Variants in CAMTA2 observed in about 807,000 individuals in gnomAD.
The protein encoded by CAMTA2 is calmodulin binding transcription activator 2, also known as calmodulin-binding transcription activator 2.
Under a neutral mutation model 135.7 loss-of-function variants are expected in CAMTA2, and 56 were observed. The ratio of observed to expected loss-of-function variants is 0.41; its 90% confidence interval spans 0.33 to 0.52. The LOEUF (loss-of-function observed/expected upper bound fraction) is 0.52. Among genes scored for constraint, CAMTA2 ranks in the 20% least tolerant of loss-of-function variants. CAMTA2 has a pLI of 0.16. For missense variants in CAMTA2, 1,358 were observed against 1,553.4 expected, an observed-to-expected ratio of 0.87 and a Z score of 2.11; for synonymous variants, 591 against 604.6, an observed-to-expected ratio of 0.98 and a Z score of 0.33.
In CAMTA2 at chr17:4,979,845, C is replaced by T. The variant is rs376564975; in HGVS notation, c.1477G>A (p.Val493Ile). The change falls in exon 9 of 23, where the codon GTT (valine) becomes ATT (isoleucine). Residue 493 changes from valine to isoleucine, a missense_variant. Physicochemically the swap from Val to Ile is conservative, Grantham distance 29. Coordinates refer to ENST00000348066, the MANE Select transcript of CAMTA2 (RefSeq NM_015099.4). ...GRGEALFGGP[V>I]GASELEPFSL... ...AAGGGCTCCAGTTCACTGGCCCCAA[C>T]AGGTCCTCCAAACAAGGCCTCTCCT... 3.7e-6 allele frequency: 6 copies of T among 1,613,542 alleles called. No individual in the cohort carries two copies. Among genetic ancestry groups the T allele is most frequent in the Non-Finnish European group, 5.1e-6 (6 of 1,179,962 alleles).
At chr17:4,973,863 A>C (rs1972454921) in intron 12 of CAMTA2, 94 bp from the exon 13 acceptor site, 12 of 1,164,350 alleles carry the variant, frequency 1.0e-5, no homozygotes, top group African/African-American at 1.6e-5. Context: ...CCCAGCTTCT[A>C]ATTTTGCCCC....
rs2151153489 is a variant in CAMTA2, at chr17:4,968,576, G to A, written c.*180C>T. 1 of 655,154 alleles carries A rather than the reference G, an allele frequency of 1.5e-6. No homozygotes were observed. Among genetic ancestry groups the A allele is most frequent in the South Asian group, 1.8e-5 (1 of 55,550 alleles). The allele number at this position is 655,154 out of a possible 1,614,324, so 40.6% of individuals were successfully genotyped here. A position where few individuals can be genotyped will look rare whatever the true frequency, so the allele number is the denominator to read the frequency against. On this transcript the variant is annotated 3_prime_UTR_variant, in exon 23 of 23. Coordinates refer to ENST00000348066, the MANE Select transcript of CAMTA2 (RefSeq NM_015099.4). ...GACCAAAAGAGACGGGGCACGACCA[G>A]GAGGGACGAGGAGAGGGGTGTGGGA...
rs758518608 is a variant in CAMTA2, at chr17:4,968,361, G to T, written c.*395C>A. On this transcript the variant is annotated 3_prime_UTR_variant, in exon 23 of 23. Transcript: ENST00000348066. ...CGGTCAGCCCTGAAACACGAGGGGC[G>T]TGCGCAGCGAAGGCAGTGGTGGGAA... The T allele has an allele frequency of 6.1e-6, 2 of 326,204 alleles. No individual in the cohort carries two copies. The highest frequency in any genetic ancestry group is 1.2e-5 in the Non-Finnish European group (2 of 171,680). 20.2% of individuals were successfully genotyped at this position (326,204 alleles called of 1,614,324 possible). A position where few individuals can be genotyped will look rare whatever the true frequency, so the allele number is the denominator to read the frequency against.
At chr17:4,973,067 T>A in intron 14 of CAMTA2, 76 bp from the exon 15 acceptor site, 1 of 1,510,528 alleles carries the variant, frequency 6.6e-7, no homozygotes, top group South Asian at 1.1e-5. Flanking sequence ...TAGTCAGGTC[T>A]TCAGGCCCCA....
At chr17:4,981,888 T>C (rs1291822264) in intron 6 of CAMTA2, 57 bp from the exon 7 acceptor site, 7 of 1,509,104 alleles carry the variant, frequency 4.6e-6, no homozygotes, top group Non-Finnish European at 5.4e-6. Context: ...GGGGCTTGGC[T>C]TCCTAATCCT....
Position 4,986,259 on chromosome 17 carries a change from G to A in CAMTA2, c.-37C>T. On this transcript the variant is annotated 5_prime_UTR_variant, in exon 2 of 23. Coordinates refer to ENST00000348066, the MANE Select transcript of CAMTA2 (RefSeq NM_015099.4). ...CAGGGGGCAAGGTCACCCCCGGCCT[G>A]AGGGGCCGGGGGGAGGGGGAGTCTG... 1 of 1,543,446 alleles carries A rather than the reference G, an allele frequency of 6.5e-7. No homozygotes were observed.
intron 1 of CAMTA2, 73 bp downstream of exon 1, chr17:4,987,520 C>G: frequency 7.0e-7 from 1 of 1,434,070 alleles, no homozygotes; most frequent in Non-Finnish European, 9.2e-7. Flanking sequence ...CGCGGCGCTC[C>G]GCGTCGGGAC....
At position 4,974,541 on chromosome 17, in the gene CAMTA2, G is replaced by A. The variant is rs373308880; in HGVS notation, c.1901-41C>T. 3.2e-6 allele frequency: 4 copies of A among 1,258,768 alleles called. No individual in the cohort carries two copies. The African/African-American group carries it at 4.4e-5, about 14-fold the overall frequency. 78.0% of individuals were successfully genotyped at this position (1,258,768 alleles called of 1,614,324 possible). On this transcript the variant is annotated intron_variant, in intron 11 of 22. Transcript: ENST00000348066. ...TATGGGAGGCTGAGTGGGCAGTCTA[G>A]GTGATGCCCTGAACACCAAAAGTAG...
chr17:4,973,126 T>C, intron 14 of CAMTA2, 49 bp downstream of exon 14: 1 of 1,540,638 alleles, frequency 6.5e-7, no homozygotes, highest in Admixed American at 1.7e-5. Context: ...TCAAGGGCTG[T>C]TCCCATTGCT....
At position 4,974,471 on chromosome 17, in the gene CAMTA2, G is replaced by T; in HGVS notation, c.1930C>A (p.Arg644=). The stretch of plus-strand genomic sequence containing the variant: ...ATCCGCTTCTCCATCTGCTCCAGTC[G>T]CTCTAGTATGGACATCCGGAACTGG... ...DNQFRMSILE[R]LEQMEKRMAE... Residue 644 remains arginine, a synonymous_variant, in exon 12 of 23, where the codon CGA becomes AGA. Coordinates refer to ENST00000348066, the MANE Select transcript of CAMTA2 (RefSeq NM_015099.4). 1 of 1,613,796 alleles carries T rather than the reference G, an allele frequency of 6.2e-7. No individual in the cohort carries two copies. Among genetic ancestry groups the T allele is most frequent in the African/African-American group, 1.3e-5 (1 of 75,018 alleles).
At chr17:4,978,334 G>T (rs1972744482) in intron 10 of CAMTA2, among the ~76,000 whole-genome samples, 170 bp downstream of exon 10, 1 of 152,210 alleles carries the variant, frequency 6.6e-6, no homozygotes, top group Non-Finnish European at 1.5e-5. Context: ...CTAAGTCTGG[G>T]CTCTTCTGCC....
At position 4,977,117 on chromosome 17, in the gene CAMTA2, T is replaced by A; in HGVS notation, c.1841A>T (p.Tyr614Phe). 6.2e-7 allele frequency: 1 copy of A among 1,614,146 alleles called. No individual in the cohort carries two copies. Among genetic ancestry groups the A allele is most frequent in the Non-Finnish European group, 8.5e-7 (1 of 1,180,020 alleles). ...CAGAGACAGGAATCGGCGGGCTCGA[T>A]ACTCAAAGAGCACAGAAGCAGAAAG... ...GPLSASVLFE[Y>F]RARRFLSLPS... Residue 614 changes from tyrosine to phenylalanine, a missense_variant, in exon 11 of 23, where the codon TAT (tyrosine) becomes TTT (phenylalanine). Transcript: ENST00000348066.
rs183231630 is a variant in CAMTA2, at chr17:4,972,304, G to T, written c.2736C>A (p.Ala912=). ...NSKGPLSSLP[A]LPPASDDGAA... ...CCCCATCATCTGAAGCTGGTGGGAGGGCAGGAAGGGAGGAGAGGGGCCCCT... is the reference window on the plus strand; with the variant it reads ...CCCCATCATCTGAAGCTGGTGGGAGTGCAGGAAGGGAGGAGAGGGGCCCCT... Residue 912 remains alanine, a synonymous_variant, in exon 16 of 23, where the codon GCC becomes GCA. Transcript: ENST00000348066. The T allele has an allele frequency of 5.0e-6, 8 of 1,613,950 alleles. No individual in the cohort carries two copies. Among genetic ancestry groups the T allele is most frequent in the Non-Finnish European group, 3.4e-6 (4 of 1,179,928 alleles).
rs1972146298 is a variant in CAMTA2 at position 4,969,771 on chromosome 17, C to T, written c.3190-70G>A. The stretch of plus-strand genomic sequence containing the variant: ...ATATCTGACTTGTCCCTTCAACTTT[C>T]CTGGGGTTCCCCTGACCCTTTACCC... On this transcript the variant is annotated intron_variant, in intron 18 of 22. Coordinates refer to ENST00000348066, the MANE Select transcript of CAMTA2 (RefSeq NM_015099.4). This position sits in a 1 kb window ranked among gnomAD's most constrained non-coding sequence, Gnocchi z 5.6. 2 of 1,602,026 alleles carry T rather than the reference C, an allele frequency of 1.2e-6. No homozygotes were observed. Among genetic ancestry groups the T allele is most frequent in the African/African-American group, 2.7e-5 (2 of 74,698 alleles).
chr17:4,983,700 C>G (rs1414903095), intron 3 of CAMTA2: 1 of 152,020 alleles, frequency 6.6e-6, no homozygotes, highest in African/African-American at 2.4e-5. Context: ...TCTCTTACCT[C>G]AGCCTCCAGA....
chr17:4,980,194 G>A lies in CAMTA2; in HGVS notation c.1128C>T (p.Asp376=), dbSNP rs772308964. 8.2e-6 allele frequency: 13 copies of A among 1,576,218 alleles called. No individual in the cohort carries two copies. Among genetic ancestry groups the A allele is most frequent in the Non-Finnish European group, 9.5e-6 (11 of 1,160,842 alleles). Reference sequence around the variant, plus strand: ...GGGGGCTGTTGAGAAAACGATCAGGGTCAAAGGCAGGACTGGGAGGAGCTG... The same window carrying A: ...GGGGGCTGTTGAGAAAACGATCAGGATCAAAGGCAGGACTGGGAGGAGCTG... The part of the protein sequence containing the change: ...APPAPPSPAF[D]PDRFLNSPQR... The change falls in exon 9 of 23, where the codon GAC becomes GAT. Residue 376 remains aspartate, a synonymous_variant. Transcript: ENST00000348066. This position sits in a 1 kb window ranked among gnomAD's most constrained non-coding sequence, Gnocchi z 5.3.
intron 12 of CAMTA2, chr17:4,974,102 G>A: frequency 1.9e-6 from 1 of 531,660 alleles, no homozygotes; most frequent in Non-Finnish European, 3.4e-6. Flanking sequence ...GACCCACAGA[G>A]ATCTGAGCCC....
intron 11 of CAMTA2, among the ~76,000 whole-genome samples, chr17:4,976,800 C>A (rs1007849740): frequency 6.6e-6 from 1 of 152,082 alleles, no homozygotes; most frequent in African/African-American, 2.4e-5. Context: ...TCTTAGCCTT[C>A]CTTGTCTAGA....
chr17:4,980,558 T>C lies in CAMTA2; in HGVS notation c.764A>G (p.Glu255Gly). 1 of 1,613,854 alleles carries C rather than the reference T, an allele frequency of 6.2e-7. No homozygotes were observed. The highest frequency in any genetic ancestry group is 8.5e-7 in the Non-Finnish European group (1 of 1,179,904). The part of the protein sequence containing the change: ...TKHRIISPKV[E>G]PRALTLTSIP... ...AGAGGTCAGGGTTAAAGCTCGGGGC[T>C]CCACTTTGGGAGAGATGATGCGGTG... is the stretch of plus-strand genomic sequence containing the variant. The change falls in exon 9 of 23, where the codon GAG becomes GGG. Residue 255 changes from glutamate to glycine, a missense_variant. By Grantham distance (98) the Glu-to-Gly change is moderately conservative. Transcript: ENST00000348066. The surrounding 1 kb of genome is among the most constrained non-coding windows in gnomAD (Gnocchi z 5.3).
Sources: allele counts gnomAD v4.1 joint callset (sites outside exome capture counted in the v4.1 genomes callset), GRCh38; gene constraint gnomAD v4.1.1; non-coding constraint Gnocchi (gnomAD v3.1); transcripts MANE v1.5; gene names NCBI Gene and HGNC (gene_info 2026-07-23, HGNC 2026-07-21).